Variants in ATE1 observed in about 807,000 individuals in gnomAD.
ATE1 encodes arginyltransferase 1.
In ATE1, 36 loss-of-function variants were observed where a neutral mutation model predicts 70.5. The observed-to-expected ratio is 0.51, with a 90% confidence interval of 0.39 to 0.67. The LOEUF (loss-of-function observed/expected upper bound fraction) is 0.67, where lower values mean the gene tolerates loss of function less well. Ranked by LOEUF, ATE1 falls within the 30% of genes least tolerant of loss-of-function variation. The pLI, the probability that ATE1 is intolerant of heterozygous loss-of-function variation, is 0.00. For synonymous variants in ATE1, 232 were observed against 219.3 expected (o/e 1.06, Z -0.51); for missense variants, 593 against 629.5 (o/e 0.94, Z 0.62).
At chr10:121,926,312 G>A (rs1402038574) in intron 1 of ATE1, among the ~76,000 whole-genome samples, 2 of 152,128 alleles carry the variant, frequency 1.3e-5, no homozygotes, top group Non-Finnish European at 2.9e-5. Flanking sequence ...GAAAAGCATG[G>A]CACTGGAGTC....
chr10:121,927,826 C>G lies in ATE1; in HGVS notation c.106+18G>C. On this transcript the variant is annotated intron_variant, in intron 1 of 11. Transcript: ENST00000224652. ...CCGGGCGCCCGGCTTCCCACGCCCG[C>G]CGGCCCGGCTCGCTCACCATTGGAG... 2 of 1,549,438 alleles carry G rather than the reference C, an allele frequency of 1.3e-6. No homozygotes were observed. The highest frequency in any genetic ancestry group is 1.7e-6 in the Non-Finnish European group (2 of 1,149,622).
rs373058397 is a variant in ATE1 at position 121,913,878 on chromosome 10, T to G, written c.249A>C (p.Gln83His). The change falls in exon 4 of 12, where the codon CAA (glutamine) becomes CAC (histidine). Residue 83 changes from glutamine (Q) to histidine (H), a missense_variant. By Grantham distance (24) the Gln-to-His change is conservative. Coordinates refer to ENST00000224652, the MANE Select transcript of ATE1 (RefSeq NM_001001976.3). ...PQYTIRCRPLQFQPSKSHKKV... is the reference protein window; with the variant it reads ...PQYTIRCRPLHFQPSKSHKKV... ...TCTTGTGAGATTTTGAAGGCTGAAATTGTAAAGGTCGGCACCTAGGAAAGC... is the reference window on the plus strand; with the variant it reads ...TCTTGTGAGATTTTGAAGGCTGAAAGTGTAAAGGTCGGCACCTAGGAAAGC... The G allele has an allele frequency of 6.2e-7, 1 of 1,612,464 alleles. No individual in the cohort carries two copies. The highest frequency in any genetic ancestry group is 8.5e-7 in the Non-Finnish European group (1 of 1,178,992).
rs1175857214 is a variant in ATE1, at chr10:121,927,934, C to G, written c.16G>C (p.Gly6Arg). MAFWA[G>R]GSPSVVDYFP... ...TAGTCCACGACGCTGGGCGAACCCC[C>G]CGCCCAGAAAGCCATGGCCTCGGCC... The change falls in exon 1 of 12, where the codon GGG (glycine) becomes CGG (arginine). Residue 6 changes from glycine (G) to arginine (R), a missense_variant. Physicochemically the swap from Gly to Arg is moderately radical, Grantham distance 125. Around this residue, in one of 3 missense-constraint regions of ATE1, gnomAD observed 467 missense variants for 469.6 expected, o/e 0.99. Coordinates refer to ENST00000224652, the MANE Select transcript of ATE1 (RefSeq NM_001001976.3). 6.4e-7 allele frequency: 1 copy of G among 1,572,348 alleles called. No individual in the cohort carries two copies. Among genetic ancestry groups the G allele is most frequent in the South Asian group, 1.2e-5 (1 of 86,272 alleles).
intron 10 of ATE1, among the ~76,000 whole-genome samples, chr10:121,794,448 A>T (rs534980237): frequency 1.8e-3 from 280 of 152,030 alleles, no homozygotes; most frequent in Middle Eastern, 6.8e-3. Flanking sequence ...CTACAAAAAA[A>T]TTTTTTAATT....
intron 10 of ATE1, among the ~76,000 whole-genome samples, chr10:121,801,918 C>A (rs1309973954): frequency 6.7e-6 from 1 of 148,908 alleles, no homozygotes. Flanking sequence ...GTAGGAAGAT[C>A]CCTTTTTAAA....
chr10:121,752,438 C>T (rs189593429), intron 11 of ATE1, among the ~76,000 whole-genome samples: 1 of 151,892 alleles, frequency 6.6e-6, no homozygotes, highest in East Asian at 2.0e-4. Flanking sequence ...ACCATGTTAG[C>T]CATGATGGTC....
At chr10:121,871,758 A>T (rs1949869184) in intron 7 of ATE1, among the ~76,000 whole-genome samples, 2 of 152,242 alleles carry the variant, frequency 1.3e-5, no homozygotes, top group Admixed American at 1.3e-4. Flanking sequence ...AGAAAAAAAC[A>T]AAATGCAAAC....
chr10:121,752,653 C>T (rs1944636674), intron 11 of ATE1, among the ~76,000 whole-genome samples: 1 of 152,160 alleles, frequency 6.6e-6, no homozygotes, highest in Non-Finnish European at 1.5e-5. Flanking sequence ...TGTTGAAAGG[C>T]TGTATCCTTT....
At chr10:121,864,311 C>A (rs1590553497) in intron 8 of ATE1, among the ~76,000 whole-genome samples, 1 of 152,204 alleles carries the variant, frequency 6.6e-6, no homozygotes, top group Non-Finnish European at 1.5e-5. Flanking sequence ...CAGCTCACAA[C>A]CCAGCTCCCT....
At chr10:121,886,962 G>A (rs987300761) in intron 7 of ATE1, among the ~76,000 whole-genome samples, 3 of 151,180 alleles carry the variant, frequency 2.0e-5, no homozygotes, top group Non-Finnish European at 4.4e-5. Flanking sequence ...CCATTAAGAG[G>A]AAAAAAAATA....
chr10:121,770,218 G>C (rs1482681042), intron 11 of ATE1, among the ~76,000 whole-genome samples: 1 of 112,190 alleles, frequency 8.9e-6, no homozygotes, highest in Non-Finnish European at 1.8e-5. Context: ...CTAAGAATAA[G>C]AAAGACAAGA....
At chr10:121,916,128 G>C (rs1951646211) in intron 3 of ATE1, among the ~76,000 whole-genome samples, 1 of 151,416 alleles carries the variant, frequency 6.6e-6, no homozygotes, top group Non-Finnish European at 1.5e-5. Context: ...TCAGGAGGCT[G>C]AGGCAGGAGA....
chr10:121,806,307 G>A (rs1481466873), intron 10 of ATE1, among the ~76,000 whole-genome samples: 1 of 152,026 alleles, frequency 6.6e-6, no homozygotes, highest in Non-Finnish European at 1.5e-5. Context: ...ATAAAAATTA[G>A]CCAGATGTGA....
chr10:121,909,621 T>C (rs893699913), intron 5 of ATE1, among the ~76,000 whole-genome samples: 2 of 152,222 alleles, frequency 1.3e-5, no homozygotes, highest in Non-Finnish European at 2.9e-5. Context: ...ATTCAATCTA[T>C]GTTCATCTAT....
chr10:121,770,664 A>G (rs1377242719), intron 11 of ATE1, among the ~76,000 whole-genome samples: 1 of 152,100 alleles, frequency 6.6e-6, no homozygotes, highest in Non-Finnish European at 1.5e-5. Flanking sequence ...TAATAAAACA[A>G]TAACTCACTG....
intron 11 of ATE1, among the ~76,000 whole-genome samples, chr10:121,766,588 C>T (rs1201829315): frequency 6.6e-6 from 1 of 152,026 alleles, no homozygotes; most frequent in Non-Finnish European, 1.5e-5. Flanking sequence ...GAAAAGCCAA[C>T]ACACACAGAC....
At chr10:121,884,903 T>C (rs1481209892) in intron 7 of ATE1, among the ~76,000 whole-genome samples, 2 of 152,208 alleles carry the variant, frequency 1.3e-5, no homozygotes, top group East Asian at 3.9e-4. Flanking sequence ...GCTTCCTTAA[T>C]TGAATTATAC....
intron 8 of ATE1, among the ~76,000 whole-genome samples, chr10:121,842,168 A>G (rs1211071907): frequency 2.0e-5 from 3 of 152,206 alleles, no homozygotes; most frequent in Admixed American, 1.3e-4. Flanking sequence ...GTTATTCTTC[A>G]TTATTATCTT....
rs181528213 is a variant in ATE1 at position 121,859,686 on chromosome 10, A to G, written c.975+10320T>C. ...GCCAGGCATGGTGACTCATGCCTGT[A>G]ATCCCAACACTATGGGAGGCCAAGG... On this transcript the variant is annotated intron_variant, in intron 8 of 11. Coordinates refer to ENST00000224652, the MANE Select transcript of ATE1 (RefSeq NM_001001976.3). Among the ~76,000 whole-genome samples the G allele has an allele frequency of 7.9e-5, 12 of 152,264 alleles. No homozygotes were observed. In the East Asian group the frequency reaches 2.3e-3, roughly 30 times the overall value.
Sources: allele counts gnomAD v4.1 joint callset (sites outside exome capture counted in the v4.1 genomes callset), GRCh38; gene constraint gnomAD v4.1.1; regional missense constraint gnomAD v4.1.1; transcripts MANE v1.5; gene names NCBI Gene and HGNC (gene_info 2026-07-23, HGNC 2026-07-21).